The following RALGPS1 variants were observed in gnomAD, a reference collection of about 807,000 sequenced individuals.
The protein encoded by RALGPS1 is Ral GEF with PH domain and SH3 binding motif 1, also known as ras-specific guanine nucleotide-releasing factor RalGPS1.
RALGPS1 carries 19 observed loss-of-function variants against 78.8 expected under a neutral mutation model. The ratio of observed to expected loss-of-function variants is 0.24; its 90% CI spans 0.17 to 0.35. The LOEUF (loss-of-function observed/expected upper bound fraction) is 0.35. Ranked by LOEUF, RALGPS1 falls within the 10% of genes least tolerant of loss-of-function variation. The pLI is 1.00. For synonymous variants in RALGPS1, 228 were observed against 256.3 expected, an observed-to-expected ratio of 0.89 and a Z score of 1.06; for missense variants, 454 against 688.3, an observed-to-expected ratio of 0.66 and a Z score of 3.81.
chr9:126,924,669 A>G (rs973120454), intron 1 of RALGPS1, among the ~76,000 whole-genome samples: 6 of 152,240 alleles, frequency 3.9e-5, no homozygotes, highest in Admixed American at 2.0e-4. Context: ...CTGGATGATG[A>G]TAAAGGATTG....
chr9:127,025,291 T>G (rs1386545150), intron 4 of RALGPS1, among the ~76,000 whole-genome samples: 1 of 152,256 alleles, frequency 6.6e-6, no homozygotes, highest in Non-Finnish European at 1.5e-5. Context: ...GTTCATCGCC[T>G]CACCAGCTGG....
chr9:126,924,557 A>C (rs890631003), intron 1 of RALGPS1, among the ~76,000 whole-genome samples: 1 of 152,240 alleles, frequency 6.6e-6, no homozygotes, highest in South Asian at 2.1e-4. Context: ...CTTTCCATGT[A>C]AACAGGAATA....
At chr9:126,970,768 A>G (rs920655690) in intron 3 of RALGPS1, among the ~76,000 whole-genome samples, 1 of 152,214 alleles carries the variant, frequency 6.6e-6, no homozygotes, top group African/African-American at 2.4e-5. Context: ...AGCTCAGGAA[A>G]ACTAATTTTG....
At chr9:126,939,961 A>T (rs2036604501) in intron 1 of RALGPS1, among the ~76,000 whole-genome samples, 1 of 152,222 alleles carries the variant, frequency 6.6e-6, no homozygotes, top group African/African-American at 2.4e-5. Context: ...GATACGTTTC[A>T]TTCGCCTCTG....
At chr9:127,046,230 A>G (rs2047761081) in intron 5 of RALGPS1, among the ~76,000 whole-genome samples, 1 of 152,252 alleles carries the variant, frequency 6.6e-6, no homozygotes, top group Non-Finnish European at 1.5e-5. Flanking sequence ...AAAATTTCAA[A>G]TAATCTATGT....
intron 4 of RALGPS1, among the ~76,000 whole-genome samples, chr9:127,017,677 A>G (rs972204456): frequency 1.3e-5 from 2 of 152,240 alleles, no homozygotes; most frequent in Middle Eastern, 6.3e-3. Flanking sequence ...TAAAACACAC[A>G]TTGTTCAGCT....
At chr9:127,217,347 T>C in intron 18 of RALGPS1, 3 of 1,011,220 alleles carry the variant, frequency 3.0e-6, no homozygotes, top group Non-Finnish European at 3.5e-6. Context: ...AACTGAAATA[T>C]TCAACAGCAG....
chr9:127,165,851 C>T (rs917977212), intron 8 of RALGPS1, among the ~76,000 whole-genome samples: 5 of 152,186 alleles, frequency 3.3e-5, no homozygotes, highest in Admixed American at 6.5e-5. Flanking sequence ...TAAAATCTTG[C>T]CAGCATACAT....
intron 1 of RALGPS1, among the ~76,000 whole-genome samples, chr9:126,933,023 G>A (rs1446209360): frequency 2.0e-5 from 3 of 152,138 alleles, no homozygotes; most frequent in Admixed American, 1.3e-4. Flanking sequence ...ATGGGACAGG[G>A]GAGGGTGGTG....
rs937657653 is a variant in RALGPS1, at chr9:127,218,651, G to A, written c.1645-89G>A. 3.6e-6 allele frequency: 5 copies of A among 1,395,438 alleles called. No homozygotes were observed. The highest frequency in any genetic ancestry group is 4.1e-6 in the Non-Finnish European group (4 of 981,058). The allele number at this position is 1,395,438 out of a possible 1,614,324, so 86.4% of individuals were successfully genotyped here. A position where few individuals can be genotyped will look rare whatever the true frequency, so the allele number is the denominator to read the frequency against. On this transcript the variant is annotated intron_variant, in intron 18 of 18. Coordinates refer to ENST00000259351, the MANE Select transcript of RALGPS1 (RefSeq NM_014636.3). This position sits in a 1 kb window ranked among gnomAD's most constrained non-coding sequence, Gnocchi z 4.4. ...ACCTGCTCATTCCCAGACTCACGGGGAAAGGCCTGTCCCTTCCCCTAGGGA... is the reference window on the plus strand; with the variant it reads ...ACCTGCTCATTCCCAGACTCACGGGAAAAGGCCTGTCCCTTCCCCTAGGGA...
At chr9:127,147,753 A>G (rs1024441912) in intron 8 of RALGPS1, among the ~76,000 whole-genome samples, 7 of 152,242 alleles carry the variant, frequency 4.6e-5, no homozygotes, top group African/African-American at 1.7e-4. Context: ...AAAAGAATGA[A>G]TTAATGCCTG....
chr9:127,164,542 T>TTC (rs1199522472), intron 8 of RALGPS1, among the ~76,000 whole-genome samples: 1 of 137,976 alleles, frequency 7.2e-6, no homozygotes, highest in East Asian at 2.1e-4. Context: ...GCCTTTTTTT[T>TTC]TTTTTTTTTT....
At chr9:127,016,442 T>C (rs1263365056) in intron 4 of RALGPS1, among the ~76,000 whole-genome samples, 1 of 152,198 alleles carries the variant, frequency 6.6e-6, no homozygotes, top group Non-Finnish European at 1.5e-5. Context: ...TGCAGTGGGA[T>C]GGGCTGACTT....
At chr9:126,975,313 T>C (rs2040501035) in intron 3 of RALGPS1, among the ~76,000 whole-genome samples, 1 of 152,200 alleles carries the variant, frequency 6.6e-6, no homozygotes, top group East Asian at 1.9e-4. Flanking sequence ...ATTTGAAACT[T>C]GGACCATCCA....
intron 11 of RALGPS1, among the ~76,000 whole-genome samples, chr9:127,191,610 T>C (rs1234230900): frequency 1.3e-5 from 2 of 152,206 alleles, no homozygotes; most frequent in Admixed American, 6.5e-5. Flanking sequence ...GGGCAAGTCT[T>C]GCACTGTTTT....
chr9:127,155,515 G>A (rs914809093), intron 8 of RALGPS1, among the ~76,000 whole-genome samples: 3 of 152,166 alleles, frequency 2.0e-5, no homozygotes, highest in Non-Finnish European at 2.9e-5. Context: ...CACATGAGAC[G>A]TGGAGGAAGA....
At chr9:126,976,382 C>T (rs546744141) in intron 3 of RALGPS1, among the ~76,000 whole-genome samples, 24 of 139,708 alleles carry the variant, frequency 1.7e-4, no homozygotes, top group African/African-American at 3.7e-4. Flanking sequence ...CACACTTATA[C>T]GCTTACACTC....
At chr9:127,154,446 T>C (rs1325722359) in intron 8 of RALGPS1, among the ~76,000 whole-genome samples, 1 of 152,244 alleles carries the variant, frequency 6.6e-6, no homozygotes, top group African/African-American at 2.4e-5. Context: ...CACCTGAGCC[T>C]GAAAACCACA....
chr9:126,977,912 G>C, intron 4 of RALGPS1, 167 bp downstream of exon 4: 2 of 502,938 alleles, frequency 4.0e-6, no homozygotes, highest in Non-Finnish European at 7.0e-6. Flanking sequence ...TTTGAGCCCA[G>C]TATTTGGATT....
Sources: allele counts gnomAD v4.1 joint callset (sites outside exome capture counted in the v4.1 genomes callset), GRCh38; gene constraint gnomAD v4.1.1; non-coding constraint Gnocchi (gnomAD v3.1); transcripts MANE v1.5; gene names NCBI Gene and HGNC (gene_info 2026-07-23, HGNC 2026-07-21).